Variants in C10orf90 observed in about 807,000 individuals in gnomAD.
The protein encoded by C10orf90 is (E2-independent) E3 ubiquitin-conjugating enzyme FATS.
C10orf90 carries 56 observed loss-of-function variants against 62.5 expected under a neutral mutation model. That is an observed-to-expected ratio of 0.90 (90% CI 0.72 to 1.12). The LOEUF is 1.12. Ranked by LOEUF, C10orf90 falls within the 50% of genes most tolerant of loss-of-function variation. The pLI is 0.00. For synonymous variants in C10orf90, 386 were observed against 340.4 expected, an observed-to-expected ratio of 1.13 and a Z score of -1.47; for missense variants, 970 against 880.4, an observed-to-expected ratio of 1.10 and a Z score of -1.29.
intron 3 of C10orf90, among the ~76,000 whole-genome samples, chr10:126,507,430 T>A (rs1862815019): frequency 1.6e-5 from 2 of 128,604 alleles, no homozygotes; most frequent in African/African-American, 3.0e-5. Flanking sequence ...AAAGAAGAAA[T>A]AGACAGGAGA....
intron 7 of C10orf90, among the ~76,000 whole-genome samples, chr10:126,440,168 C>T (rs1472148956): frequency 2.0e-5 from 3 of 151,602 alleles, no homozygotes; most frequent in Non-Finnish European, 2.9e-5. Flanking sequence ...AAGTTCTTAG[C>T]CCTGCTTGTC....
chr10:126,664,368 G>T (rs542276725), intron 1 of C10orf90, among the ~76,000 whole-genome samples: 2 of 152,128 alleles, frequency 1.3e-5, no homozygotes, highest in African/African-American at 4.8e-5. Context: ...CTTTCACGGG[G>T]TACAGCCTCC....
chr10:126,533,009 T>A (rs1864145297), intron 2 of C10orf90, among the ~76,000 whole-genome samples: 1 of 150,858 alleles, frequency 6.6e-6, no homozygotes. Flanking sequence ...CTCGGCTCAC[T>A]GCAAGCTCCA....
intron 7 of C10orf90, among the ~76,000 whole-genome samples, chr10:126,454,983 T>C (rs1433557777): frequency 6.6e-6 from 1 of 152,044 alleles, no homozygotes; most frequent in Middle Eastern, 3.2e-3. Flanking sequence ...CCACCTTCCC[T>C]TGGCATGCCT....
chr10:126,442,638 TATATATATA>T (rs1564794983), intron 7 of C10orf90, among the ~76,000 whole-genome samples: 13 of 16,456 alleles, frequency 7.9e-4, no homozygotes, highest in African/African-American at 2.3e-3. Flanking sequence ...TGTGTGTATA[TATATATATA>T]TATATATATA....
intron 2 of C10orf90, among the ~76,000 whole-genome samples, chr10:126,590,070 A>C (rs1844949287): frequency 6.6e-6 from 1 of 152,154 alleles, no homozygotes; most frequent in Non-Finnish European, 1.5e-5. Flanking sequence ...CCAGACTTCA[A>C]ATCAACAAAG....
intron 2 of C10orf90, among the ~76,000 whole-genome samples, chr10:126,576,716 CAAG>C (rs375729058): frequency 0.19 from 7,618 of 40,648 alleles, 1,228 homozygotes; most frequent in African/African-American, 0.31. Flanking sequence ...TATATATATA[CAAG>C]ATATACATAT....
At chr10:126,472,922 G>A (rs1860658936) in intron 4 of C10orf90, among the ~76,000 whole-genome samples, 1 of 152,156 alleles carries the variant, frequency 6.6e-6, no homozygotes, top group Admixed American at 6.5e-5. Flanking sequence ...TGAGGGTACT[G>A]AGCCTTTAGC....
intron 2 of C10orf90, among the ~76,000 whole-genome samples, chr10:126,631,176 C>A (rs755973137): frequency 1.8e-4 from 28 of 152,166 alleles, no homozygotes; most frequent in Admixed American, 1.8e-3. Flanking sequence ...CCTGTCACTC[C>A]CTCCTTTTGT....
At chr10:126,576,848 A>G (rs997393736) in intron 2 of C10orf90, among the ~76,000 whole-genome samples, 8 of 150,082 alleles carry the variant, frequency 5.3e-5, no homozygotes, top group African/African-American at 2.0e-4. Flanking sequence ...ATTTGTGGCA[A>G]CACAGATGGA....
intron 2 of C10orf90, among the ~76,000 whole-genome samples, chr10:126,530,862 G>C (rs1160789615): frequency 6.6e-6 from 1 of 151,944 alleles, no homozygotes; most frequent in African/African-American, 2.4e-5. Context: ...AAAGAGAGAG[G>C]GAGAAAGAAA....
At chr10:126,595,273 T>C (rs530402935) in intron 2 of C10orf90, among the ~76,000 whole-genome samples, 1 of 152,258 alleles carries the variant, frequency 6.6e-6, no homozygotes, top group African/African-American at 2.4e-5. Flanking sequence ...GGAAAAGAAA[T>C]TCTAATTGAT....
intron 4 of C10orf90, among the ~76,000 whole-genome samples, chr10:126,486,198 A>G (rs948594690): frequency 6.6e-6 from 1 of 152,182 alleles, no homozygotes; most frequent in African/African-American, 2.4e-5. Context: ...TAAAGACTCA[A>G]TTTATAATCA....
chr10:126,660,606 T>C (rs1846490361), intron 1 of C10orf90, among the ~76,000 whole-genome samples: 1 of 152,226 alleles, frequency 6.6e-6, no homozygotes, highest in South Asian at 2.1e-4. Flanking sequence ...CAGTCTCAGG[T>C]GACACCTTGA....
At chr10:126,607,219 A>T (rs929094398) in intron 2 of C10orf90, among the ~76,000 whole-genome samples, 1 of 152,210 alleles carries the variant, frequency 6.6e-6, no homozygotes, top group African/African-American at 2.4e-5. Context: ...GAAGCCAGGA[A>T]AAGTGTTTTA....
chr10:126,591,921 C>T lies in C10orf90; in HGVS notation c.313+54644G>A, dbSNP rs796507926. ...CACCAAAAACAGGCAAGCAGAGAGC[C>T]AAATCATGAATGAACTCCCATTCAC... is the stretch of plus-strand genomic sequence containing the variant. On this transcript the variant is annotated intron_variant, in intron 2 of 9. Coordinates refer to ENST00000488181, the MANE Select transcript of C10orf90 (RefSeq NM_001350921.2). Among the ~76,000 whole-genome samples the T allele has an allele frequency of 4.6e-5, 7 of 152,072 alleles. 1 individual carries two copies. Among genetic ancestry groups the T allele is most frequent in the African/African-American group, 1.7e-4 (7 of 41,502 alleles).
intron 2 of C10orf90, among the ~76,000 whole-genome samples, chr10:126,545,604 C>T (rs372857659): frequency 8.9e-6 from 1 of 112,142 alleles, no homozygotes; most frequent in Non-Finnish European, 2.2e-5. Flanking sequence ...TTAAATGGGA[C>T]TCTCTCCTTT....
intron 4 of C10orf90, among the ~76,000 whole-genome samples, chr10:126,480,588 G>A (rs959288212): frequency 5.9e-5 from 9 of 152,220 alleles, no homozygotes; most frequent in Non-Finnish European, 1.2e-4. Context: ...ACATACAGCG[G>A]CCTGCCCACT....
intron 4 of C10orf90, among the ~76,000 whole-genome samples, chr10:126,502,131 A>C (rs1027488253): frequency 4.7e-5 from 7 of 148,024 alleles, no homozygotes; most frequent in Admixed American, 6.7e-5. Flanking sequence ...CACACACACA[A>C]CACACACACA....
Sources: allele counts gnomAD v4.1 joint callset (sites outside exome capture counted in the v4.1 genomes callset), GRCh38; gene constraint gnomAD v4.1.1; transcripts MANE v1.5; gene names NCBI Gene and HGNC (gene_info 2026-07-23, HGNC 2026-07-21).